The following LHFPL1 variants were observed in gnomAD, a reference collection of about 807,000 sequenced individuals.
The protein encoded by LHFPL1 is LHFPL tetraspan subfamily member 1.
LHFPL1 carries 4 observed loss-of-function variants against 12.1 expected under a neutral mutation model. That is an observed-to-expected ratio of 0.33 (90% CI 0.16 to 0.76). The LOEUF (loss-of-function observed/expected upper bound fraction) is 0.76, where lower values mean the gene tolerates loss of function less well. LHFPL1 is among the 30% of genes least tolerant of loss of function. The probability of loss-of-function intolerance (pLI) is 0.61; values close to 1 mark genes in which losing one functional copy is unlikely to be tolerated. For synonymous variants in LHFPL1, 52 were observed against 61.9 expected (o/e 0.84, Z 0.75); for missense variants, 141 against 174.1 (o/e 0.81, Z 1.07).
intron 2 of LHFPL1, among the ~76,000 whole-genome samples, chrX:112,670,244 C>G (rs754484329): frequency 1.2e-4 from 13 of 112,688 alleles, no homozygotes; most frequent in Non-Finnish European, 2.3e-4. Context: ...ATATGTTTTC[C>G]TGTCTTTCTA....
chrX:112,675,263 T>A (rs1310726991), intron 1 of LHFPL1, among the ~76,000 whole-genome samples: 1 of 110,930 alleles, frequency 9.0e-6, no homozygotes, highest in African/African-American at 3.3e-5. Context: ...CAATAACTTA[T>A]GGAAAAATAA....
At chrX:112,670,025 G>T (rs1931452347) in intron 2 of LHFPL1, among the ~76,000 whole-genome samples, 1 of 111,673 alleles carries the variant, frequency 9.0e-6, no homozygotes, top group African/African-American at 3.3e-5. Flanking sequence ...TCCCACTATG[G>T]TCACAGAGCA....
At chrX:112,671,517 G>A in intron 1 of LHFPL1, 113 bp from the exon 2 acceptor site, 1 of 1,170,216 alleles carries the variant, frequency 8.5e-7, no homozygotes, top group Non-Finnish European at 1.1e-6. Context: ...TCAATTATGT[G>A]CCACTTGGTC....
intron 3 of LHFPL1, among the ~76,000 whole-genome samples, chrX:112,655,166 T>G (rs909116061): frequency 8.9e-6 from 1 of 112,276 alleles, no homozygotes; most frequent in African/African-American, 3.2e-5. Flanking sequence ...TTGATGTCAC[T>G]TCTGTCATAC....
intron 2 of LHFPL1, among the ~76,000 whole-genome samples, chrX:112,665,185 T>C (rs887774140): frequency 1.3e-4 from 12 of 94,884 alleles, no homozygotes; most frequent in African/African-American, 2.9e-4. Context: ...GTCTGTCTCT[T>C]TTTTTTTTTT....
chrX:112,667,281 A>C (rs765889902), intron 2 of LHFPL1, among the ~76,000 whole-genome samples: 3 of 112,125 alleles, frequency 2.7e-5, no homozygotes, highest in Non-Finnish European at 3.8e-5. Flanking sequence ...CAACAAAAAA[A>C]TAATGTCCAG....
At chrX:112,647,391 C>G (rs1322683962) in intron 3 of LHFPL1, among the ~76,000 whole-genome samples, 2 of 111,455 alleles carry the variant, frequency 1.8e-5, no homozygotes, top group Admixed American at 9.5e-5. Context: ...AACAGGCAAC[C>G]TACAGAATGG....
intron 3 of LHFPL1, among the ~76,000 whole-genome samples, chrX:112,632,998 C>T (rs113380829): frequency 0.058 from 6,479 of 112,000 alleles, 178 homozygotes; most frequent in Middle Eastern, 0.13. Context: ...TGATTCACTC[C>T]GCTGGGCTCA....
At chrX:112,645,707 G>T (rs1285726401) in intron 3 of LHFPL1, among the ~76,000 whole-genome samples, 7 of 112,007 alleles carry the variant, frequency 6.2e-5, no homozygotes, top group Non-Finnish European at 1.3e-4. Context: ...GACTTCTCAA[G>T]AATTCATCTG....
intron 3 of LHFPL1, among the ~76,000 whole-genome samples, chrX:112,639,274 G>C (rs976283157): frequency 5.6e-5 from 6 of 108,054 alleles, no homozygotes; most frequent in African/African-American, 1.7e-4. Context: ...TGGAGGCCCA[G>C]AACCTACTGA....
intron 3 of LHFPL1, among the ~76,000 whole-genome samples, chrX:112,635,970 G>A (rs188432659): frequency 2.6e-4 from 29 of 111,574 alleles, no homozygotes; most frequent in Admixed American, 9.5e-4. Flanking sequence ...TCTGAGCAGG[G>A]AACGATACGC....
intron 2 of LHFPL1, among the ~76,000 whole-genome samples, chrX:112,668,921 C>A (rs756098031): frequency 3.6e-5 from 4 of 112,206 alleles, no homozygotes; most frequent in Non-Finnish European, 7.5e-5. Context: ...TGATTCCTGA[C>A]AGTTAGCCCC....
intron 1 of LHFPL1, 75 bp downstream of exon 1, chrX:112,679,754 G>C (rs986644694): frequency 3.6e-5 from 4 of 111,592 alleles, no homozygotes; most frequent in Non-Finnish European, 3.8e-5. Context: ...GAGAAGGGGG[G>C]GCTGAGCAAG....
Position 112,645,056 on chromosome X carries a change from G to A in LHFPL1, c.482-13455C>T, listed in dbSNP as rs928461177. Among the ~76,000 whole-genome samples, 4 of 112,274 alleles carry A rather than the reference G, an allele frequency of 3.6e-5. No individual in the cohort carries two copies. The East Asian group carries it at 1.1e-3, about 32-fold the overall frequency. On this transcript the variant is annotated intron_variant, in intron 3 of 3. Coordinates refer to ENST00000371968, the MANE Select transcript of LHFPL1 (RefSeq NM_178175.4). ...TCTACTGCAGGCCTTTGCCAAGTGT[G>A]TGTTGGAGGGGGTCCCTCCTTCCCT...
chrX:112,672,454 C>G (rs1931536355), intron 1 of LHFPL1, among the ~76,000 whole-genome samples: 2 of 105,556 alleles, frequency 1.9e-5, no homozygotes, highest in South Asian at 7.6e-4. Context: ...CCATTGCTTT[C>G]TGGCCTGTTT....
At chrX:112,647,298 T>C (rs1243000931) in intron 3 of LHFPL1, among the ~76,000 whole-genome samples, 3 of 111,671 alleles carry the variant, frequency 2.7e-5, no homozygotes, top group African/African-American at 9.8e-5. Flanking sequence ...TCAAAAGCAA[T>C]GGCAACAAAA....
chrX:112,661,433 A>T (rs952703532), intron 2 of LHFPL1, among the ~76,000 whole-genome samples: 2 of 111,929 alleles, frequency 1.8e-5, no homozygotes, highest in Non-Finnish European at 3.8e-5. Flanking sequence ...TCTAAGGGCA[A>T]CTATGTTGCT....
At chrX:112,631,726 A>G in intron 3 of LHFPL1, 125 bp from the exon 4 acceptor site, 4 of 462,197 alleles carry the variant, frequency 8.7e-6, no homozygotes, top group Non-Finnish European at 1.4e-5. Context: ...TGCTATGGTT[A>G]GGGTGAGAAT....
chrX:112,671,740 G>A (rs926500829), intron 1 of LHFPL1, among the ~76,000 whole-genome samples: 1 of 111,699 alleles, frequency 9.0e-6, no homozygotes, highest in African/African-American at 3.3e-5. Context: ...GACATACATC[G>A]TGGAACAAGT....
Sources: gnomAD v4.1 joint callset for allele counts (sites outside exome capture counted in the v4.1 genomes callset) on GRCh38, gnomAD v4.1.1 for gene constraint, MANE v1.5 for transcripts, NCBI Gene and HGNC (gene_info 2026-07-23, HGNC 2026-07-21) for gene names.